The following STEAP1B variants were observed in gnomAD, a reference collection of about 807,000 sequenced individuals.
STEAP1B encodes the protein STEAP family member 1B, also known as STEAP family protein MGC87042.
In STEAP1B, 13 loss-of-function variants were observed where a neutral mutation model predicts 27.9. The observed-to-expected ratio is 0.47, with a 90% CI of 0.30 to 0.74. STEAP1B has a LOEUF of 0.74. Among genes scored for constraint, STEAP1B ranks in the 30% least tolerant of loss-of-function variants. STEAP1B has a pLI of 0.06. For synonymous variants in STEAP1B, 86 were observed against 107.1 expected (o/e 0.80, Z 1.22); for missense variants, 250 against 298.7 (o/e 0.84, Z 1.20).
chr7:22,487,714 G>C (rs983032977), intron 4 of STEAP1B, among the ~76,000 whole-genome samples: 2 of 146,068 alleles, frequency 1.4e-5, no homozygotes, highest in Non-Finnish European at 3.0e-5. Flanking sequence ...TGAGGCAGGG[G>C]AAATCACTTG....
intron 4 of STEAP1B, among the ~76,000 whole-genome samples, chr7:22,421,710 T>C (rs1785044850): frequency 6.6e-6 from 1 of 152,212 alleles, no homozygotes; most frequent in African/African-American, 2.4e-5. Flanking sequence ...TAAAAAGATT[T>C]TTCTAAACTT....
intron 4 of STEAP1B, among the ~76,000 whole-genome samples, chr7:22,427,691 T>C (rs556500263): frequency 3.3e-5 from 5 of 152,284 alleles, no homozygotes; most frequent in South Asian, 4.1e-4. Flanking sequence ...TGGAAATTAA[T>C]GTAAGCAAGT....
In STEAP1B at chr7:22,419,627, C is replaced by A; in HGVS notation, c.*177G>T. On this transcript the variant is annotated 3_prime_UTR_variant, in exon 5 of 5. Coordinates refer to ENST00000678116, the MANE Select transcript of STEAP1B (RefSeq NM_001382447.1). ...TTTTGTTTGCTCTCTCATGAGTCCG[C>A]TGGGGGATCCACTCATCTGCCCTGC... The A allele has an allele frequency of 1.8e-6, 1 of 564,260 alleles. No homozygotes were observed. The highest frequency in any genetic ancestry group is 3.0e-6 in the Non-Finnish European group (1 of 336,860). 35.0% of individuals were successfully genotyped at this position (564,260 alleles called of 1,614,324 possible). A position where few individuals can be genotyped will look rare whatever the true frequency, so the allele number is the denominator to read the frequency against.
intron 4 of STEAP1B, among the ~76,000 whole-genome samples, chr7:22,477,596 G>T (rs562473223): frequency 6.6e-6 from 1 of 152,178 alleles, no homozygotes; most frequent in Non-Finnish European, 1.5e-5. Flanking sequence ...AGCGTATTAC[G>T]CAAATATTAC....
At chr7:22,456,764 G>T (rs1390678992) in intron 4 of STEAP1B, among the ~76,000 whole-genome samples, 1 of 151,192 alleles carries the variant, frequency 6.6e-6, no homozygotes, top group East Asian at 1.9e-4. Context: ...GTCTGGTTTA[G>T]GCCAAGAAGG....
chr7:22,460,288 A>C (rs752884501), intron 4 of STEAP1B, among the ~76,000 whole-genome samples: 21 of 149,674 alleles, frequency 1.4e-4, no homozygotes, highest in Non-Finnish European at 2.5e-4. Flanking sequence ...TGATTGTACC[A>C]CTGCACTTGA....
chr7:22,424,057 A>T (rs1184920103), intron 4 of STEAP1B, among the ~76,000 whole-genome samples: 1 of 152,096 alleles, frequency 6.6e-6, no homozygotes, highest in Non-Finnish European at 1.5e-5. Flanking sequence ...AAAATAAGTG[A>T]ATTTATGGTA....
At chr7:22,460,317 G>C (rs1477152039) in intron 4 of STEAP1B, among the ~76,000 whole-genome samples, 1 of 134,162 alleles carries the variant, frequency 7.5e-6, no homozygotes, top group African/African-American at 3.0e-5. Context: ...AACAGGGTGA[G>C]ACCCTGTTTC....
chr7:22,480,529 T>C (rs1260708502), intron 4 of STEAP1B, among the ~76,000 whole-genome samples: 4 of 152,192 alleles, frequency 2.6e-5, no homozygotes, highest in African/African-American at 9.7e-5. Flanking sequence ...AGACTCAGTC[T>C]GCAAAAGCTC....
chr7:22,471,700 G>A (rs1258151436), intron 4 of STEAP1B, among the ~76,000 whole-genome samples: 1 of 152,002 alleles, frequency 6.6e-6, no homozygotes, highest in African/African-American at 2.4e-5. Context: ...TCAGGAGTTC[G>A]AAAGCAGCCT....
intron 4 of STEAP1B, among the ~76,000 whole-genome samples, chr7:22,456,856 A>C (rs1166964430): frequency 6.7e-6 from 1 of 149,848 alleles, no homozygotes; most frequent in Non-Finnish European, 1.5e-5. Context: ...CCAATCTAGG[A>C]ACCCCTTAGC....
intron 4 of STEAP1B, chr7:22,492,349 G>GAAAAAAAAAAAAAAAAAAAAAA (rs1371957621): frequency 1.1e-5 from 2 of 185,132 alleles, no homozygotes; most frequent in African/African-American, 6.1e-5. Context: ...AAAAAAAAAG[G>GAAAAAAAAAAAAAAAAAAAAAA]ATATTTTAAT....
chr7:22,454,829 A>ATATATATATATATATATG (rs1320757370), intron 4 of STEAP1B, among the ~76,000 whole-genome samples: 5 of 9,064 alleles, frequency 5.5e-4, no homozygotes, highest in Non-Finnish European at 1.1e-3. Context: ...AGAAAATATT[A>ATATATATATATATATATG]TATATATATA....
intron 4 of STEAP1B, among the ~76,000 whole-genome samples, chr7:22,469,053 GAAGGAATTTT>G (rs1048441989): frequency 1.4e-4 from 21 of 152,256 alleles, no homozygotes; most frequent in African/African-American, 4.8e-4. Context: ...TATTCCAGAA[GAAGGAATTTT>G]TATCATGGGA....
rs535405465 is a variant in STEAP1B, at chr7:22,471,074, C to T, written c.762+21491G>A. On this transcript the variant is annotated intron_variant, in intron 4 of 4. Transcript: ENST00000678116. Reference sequence around the variant, plus strand: ...AACCTAAAGAGCCTATTTTTTCCCCCTTTCCTTCTTCAAACTTCTAAGTCA... The same window carrying T: ...AACCTAAAGAGCCTATTTTTTCCCCTTTTCCTTCTTCAAACTTCTAAGTCA... Among the ~76,000 whole-genome samples, 135 of 152,054 alleles carry T rather than the reference C, an allele frequency of 8.9e-4. 1 individual carries two copies. Among genetic ancestry groups the T allele is most frequent in the African/African-American group, 3.2e-3 (131 of 41,454 alleles).
chr7:22,436,820 G>T (rs1330661800), intron 4 of STEAP1B, among the ~76,000 whole-genome samples: 1 of 152,126 alleles, frequency 6.6e-6, no homozygotes, highest in Non-Finnish European at 1.5e-5. Flanking sequence ...TTGTTCCTGT[G>T]TTTTTACTAT....
At chr7:22,488,339 G>A (rs967157945) in intron 4 of STEAP1B, among the ~76,000 whole-genome samples, 3 of 152,218 alleles carry the variant, frequency 2.0e-5, no homozygotes, top group African/African-American at 7.2e-5. Flanking sequence ...AGAAGAGGAA[G>A]GGCTTTATCA....
At chr7:22,495,678 A>G (rs1219287016) in intron 1 of STEAP1B, among the ~76,000 whole-genome samples, 1 of 152,156 alleles carries the variant, frequency 6.6e-6, no homozygotes, top group East Asian at 1.9e-4. Flanking sequence ...ATGAAATTCA[A>G]TGAGAAAAAC....
intron 4 of STEAP1B, among the ~76,000 whole-genome samples, chr7:22,453,241 T>A (rs369466045): frequency 3.3e-5 from 5 of 152,222 alleles, no homozygotes; most frequent in African/African-American, 1.2e-4. Context: ...CAACCATCTT[T>A]AGAAAGAAGC....
Sources: gnomAD v4.1 joint callset for allele counts (sites outside exome capture counted in the v4.1 genomes callset) on GRCh38, gnomAD v4.1.1 for gene constraint, MANE v1.5 for transcripts, NCBI Gene and HGNC (gene_info 2026-07-23, HGNC 2026-07-21) for gene names.